Variants in LUZP2 observed in about 807,000 individuals in gnomAD.
LUZP2 encodes the protein leucine zipper protein 2.
In LUZP2, 52 loss-of-function variants were observed where a neutral mutation model predicts 51.6. The ratio of observed to expected loss-of-function variants is 1.01; its 90% CI spans 0.81 to 1.27. The LOEUF is 1.27. LUZP2 is among the 50% of genes most tolerant of loss of function. LUZP2 has a pLI of 0.00. For synonymous variants in LUZP2, 154 were observed against 137.3 expected (o/e 1.12, Z -0.85); for missense variants, 436 against 395.4 (o/e 1.10, Z -0.87).
chr11:24,595,002 C>T (rs1035436523), intron 1 of LUZP2, among the ~76,000 whole-genome samples: 3 of 151,618 alleles, frequency 2.0e-5, no homozygotes, highest in Non-Finnish European at 2.9e-5. Context: ...CCTTGTGATC[C>T]GCCCATCTCG....
intron 1 of LUZP2, among the ~76,000 whole-genome samples, chr11:24,650,281 C>G (rs927820122): frequency 4.0e-5 from 6 of 151,792 alleles, no homozygotes; most frequent in African/African-American, 1.2e-4. Flanking sequence ...TTCAAATTAC[C>G]TAAAATCCTC....
At chr11:24,883,043 T>A in intron 5 of LUZP2, among the ~76,000 whole-genome samples, 1 of 151,838 alleles carries the variant, frequency 6.6e-6, no homozygotes, top group Non-Finnish European at 1.5e-5. Context: ...AGAGAAAATA[T>A]GTCTTCTAAG....
chr11:24,966,957 CTT>C (rs921399257), intron 7 of LUZP2, among the ~76,000 whole-genome samples: 1 of 149,514 alleles, frequency 6.7e-6, no homozygotes, highest in African/African-American at 2.4e-5. Flanking sequence ...ATTTATTAAA[CTT>C]AGTATTTTTA....
chr11:24,603,327 A>C (rs1853809109), intron 1 of LUZP2, among the ~76,000 whole-genome samples: 1 of 151,844 alleles, frequency 6.6e-6, no homozygotes, highest in Admixed American at 6.6e-5. Context: ...AGCTTGACTC[A>C]TCTTTTGAAG....
At position 25,004,535 on chromosome 11, in the gene LUZP2, T is replaced by C. The variant is rs184123103; in HGVS notation, c.765+21242T>C. On this transcript the variant is annotated intron_variant, in intron 9 of 11. Transcript: ENST00000336930. Reference sequence around the variant, plus strand: ...GCTTGCTTTTGGAGCTTTCTGCTGATATCCGCAGCTGATTGAGTAATAAAC... The same window carrying C: ...GCTTGCTTTTGGAGCTTTCTGCTGACATCCGCAGCTGATTGAGTAATAAAC... Among the ~76,000 whole-genome samples the C allele has an allele frequency of 9.8e-5, 15 of 152,338 alleles. No homozygotes were observed. In the East Asian group the frequency reaches 2.5e-3, roughly 25 times the overall value.
At chr11:24,745,947 G>A (rs921459546) in intron 4 of LUZP2, among the ~76,000 whole-genome samples, 1 of 152,104 alleles carries the variant, frequency 6.6e-6, no homozygotes, top group Non-Finnish European at 1.5e-5. Context: ...CAAAATGCTG[G>A]AATTACAGGC....
chr11:25,062,932 T>C (rs1236064358), intron 10 of LUZP2, among the ~76,000 whole-genome samples: 3 of 151,710 alleles, frequency 2.0e-5, no homozygotes, highest in African/African-American at 4.8e-5. Context: ...ATTTCTGTTA[T>C]ACAAATCACC....
chr11:24,704,738 A>C (rs1857524618), intron 1 of LUZP2, among the ~76,000 whole-genome samples: 1 of 152,164 alleles, frequency 6.6e-6, no homozygotes. Context: ...AATTGCTATC[A>C]AATTTTGTGT....
At chr11:24,973,364 G>T (rs1190837033) in intron 7 of LUZP2, among the ~76,000 whole-genome samples, 32 of 102,976 alleles carry the variant, frequency 3.1e-4, no homozygotes, top group East Asian at 7.8e-4. Context: ...ATATTTATTA[G>T]TTTTTTTTTT....
chr11:24,884,083 T>C (rs1172385187), intron 5 of LUZP2, among the ~76,000 whole-genome samples: 2 of 151,940 alleles, frequency 1.3e-5, no homozygotes, highest in African/African-American at 2.4e-5. Context: ...TAATTACAGG[T>C]GAATTAACTG....
At chr11:24,741,958 A>C (rs1565111032) in intron 4 of LUZP2, among the ~76,000 whole-genome samples, 3 of 124,724 alleles carry the variant, frequency 2.4e-5, no homozygotes, top group South Asian at 2.3e-4. Flanking sequence ...TTTATATATT[A>C]TATATAAATA....
intron 1 of LUZP2, among the ~76,000 whole-genome samples, chr11:24,716,971 A>T (rs1271456427): frequency 6.6e-6 from 1 of 151,996 alleles, no homozygotes; most frequent in Non-Finnish European, 1.5e-5. Context: ...AAAACTCATT[A>T]ATCTATAAAG....
At chr11:25,052,756 T>A (rs12277315) in intron 10 of LUZP2, among the ~76,000 whole-genome samples, 80,790 of 151,594 alleles carry the variant, frequency 0.53, 22,333 homozygotes, top group African/African-American at 0.62. Flanking sequence ...CAGAACTTAA[T>A]TTCATTTTTT....
At chr11:25,005,758 G>A (rs559569875) in intron 9 of LUZP2, among the ~76,000 whole-genome samples, 4 of 152,144 alleles carry the variant, frequency 2.6e-5, no homozygotes, top group African/African-American at 9.7e-5. Context: ...GTCGGATTTA[G>A]TGGCCCTTAC....
At chr11:24,811,691 G>T (rs148334567) in intron 5 of LUZP2, among the ~76,000 whole-genome samples, 1 of 151,876 alleles carries the variant, frequency 6.6e-6, no homozygotes. Flanking sequence ...AAATTATACT[G>T]CTCTACCTTT....
At chr11:24,758,369 C>A (rs1280371304) in intron 4 of LUZP2, among the ~76,000 whole-genome samples, 1 of 151,126 alleles carries the variant, frequency 6.6e-6, no homozygotes, top group Non-Finnish European at 1.5e-5. Context: ...GTGTGTATAT[C>A]ATGAATATTT....
chr11:24,923,131 A>T (rs1854123121), intron 7 of LUZP2, among the ~76,000 whole-genome samples: 1 of 150,948 alleles, frequency 6.6e-6, no homozygotes, highest in South Asian at 2.1e-4. Flanking sequence ...GACCGGCGTG[A>T]GCCACCGCGC....
At chr11:24,653,439 G>T (rs947266440) in intron 1 of LUZP2, among the ~76,000 whole-genome samples, 34 of 152,120 alleles carry the variant, frequency 2.2e-4, no homozygotes, top group Non-Finnish European at 5.9e-5. Flanking sequence ...AACATTCATG[G>T]ATTTGATTTT....
intron 1 of LUZP2, among the ~76,000 whole-genome samples, chr11:24,529,566 G>A (rs990015436): frequency 1.4e-4 from 21 of 151,036 alleles, no homozygotes; most frequent in African/African-American, 5.1e-4. Context: ...ATGCTAATGT[G>A]TCCATGATCA....
Sources: allele counts gnomAD v4.1 joint callset (sites outside exome capture counted in the v4.1 genomes callset), GRCh38; gene constraint gnomAD v4.1.1; transcripts MANE v1.5; gene names NCBI Gene and HGNC (gene_info 2026-07-23, HGNC 2026-07-21).